CPNE4: variants seen among roughly 807,000 people sequenced by gnomAD.
CPNE4 encodes copine 4.
A neutral mutation model predicts 67.9 loss-of-function variants in CPNE4; 25 were observed. That is an observed-to-expected ratio of 0.37 (90% CI 0.27 to 0.51). The LOEUF (loss-of-function observed/expected upper bound fraction) is 0.51, where lower values mean the gene tolerates loss of function less well. Among genes scored for constraint, CPNE4 ranks in the 20% least tolerant of loss-of-function variants. The pLI, the probability that CPNE4 is intolerant of heterozygous loss-of-function variation, is 0.93. For missense variants in CPNE4, 464 were observed against 690.8 expected, an observed-to-expected ratio of 0.67 and a Z score of 3.68; for synonymous variants, 242 against 244.9, an observed-to-expected ratio of 0.99 and a Z score of 0.11.
intron 1 of CPNE4, among the ~76,000 whole-genome samples, chr3:131,977,970 T>C (rs1055909349): frequency 2.0e-5 from 3 of 146,434 alleles, no homozygotes; most frequent in African/African-American, 7.7e-5. Context: ...CTTAGAATAA[T>C]AGCCTTTAAT....
intron 6 of CPNE4, among the ~76,000 whole-genome samples, chr3:131,680,840 G>A (rs774432255): frequency 1.6e-4 from 24 of 151,898 alleles, no homozygotes; most frequent in South Asian, 1.0e-3. Context: ...TTTCCCCTGC[G>A]TCCCCACAGT....
chr3:132,022,623 T>A (rs1340998485), intron 1 of CPNE4, among the ~76,000 whole-genome samples: 11 of 152,192 alleles, frequency 7.2e-5, no homozygotes, highest in Admixed American at 7.2e-4. Flanking sequence ...CTGGCAGAGA[T>A]GCTTCACAGT....
At chr3:131,579,484 A>G (rs1029916375) in intron 9 of CPNE4, among the ~76,000 whole-genome samples, 2 of 152,224 alleles carry the variant, frequency 1.3e-5, no homozygotes, top group African/African-American at 4.8e-5. Context: ...AATACATTTC[A>G]TAAGGTTATA....
intron 2 of CPNE4, among the ~76,000 whole-genome samples, chr3:131,780,698 T>C (rs2083410525): frequency 2.0e-5 from 3 of 152,016 alleles, no homozygotes; most frequent in African/African-American, 7.2e-5. Flanking sequence ...AGATGAGGAT[T>C]GAAAACTACC....
intron 2 of CPNE4, among the ~76,000 whole-genome samples, chr3:131,893,045 TA>T (rs2088179459): frequency 6.6e-6 from 1 of 151,920 alleles, no homozygotes; most frequent in African/African-American, 2.4e-5. Context: ...CTGAATAGGT[TA>T]AAAGACAAAA....
intron 2 of CPNE4, among the ~76,000 whole-genome samples, chr3:131,855,648 G>A (rs934843847): frequency 2.0e-5 from 3 of 151,850 alleles, no homozygotes; most frequent in African/African-American, 7.2e-5. Context: ...CCTGGGCTCT[G>A]GAGTTTCTGT....
At chr3:131,788,325 C>A (rs1363412549) in intron 2 of CPNE4, among the ~76,000 whole-genome samples, 2 of 151,690 alleles carry the variant, frequency 1.3e-5, no homozygotes, top group East Asian at 1.9e-4. Context: ...AATAAAAATA[C>A]CCGAATGGAA....
At chr3:131,564,068 T>C (rs1255933921) in intron 11 of CPNE4, 148 bp downstream of exon 11, 4 of 890,552 alleles carry the variant, frequency 4.5e-6, no homozygotes, top group South Asian at 1.5e-5. Flanking sequence ...ACAAACTTAG[T>C]TTTTCTAGTA....
At position 131,895,224 on chromosome 3, in the gene CPNE4, G is replaced by A. The variant is rs181024647; in HGVS notation, c.180+10040C>T. Among the ~76,000 whole-genome samples, 730 of 152,070 alleles carry A rather than the reference G, an allele frequency of 4.8e-3. 8 individuals carry two copies. Among genetic ancestry groups the A allele is most frequent in the African/African-American group, 0.016 (647 of 41,514 alleles). The stretch of plus-strand genomic sequence containing the variant: ...CAGAGGCTGAGAAGGGGAGGAGAGA[G>A]GAGTGGATGAGATGTTGGTCAATGG... On this transcript the variant is annotated intron_variant, in intron 2 of 15. Transcript: ENST00000429747.
rs2083733813 is a variant in CPNE4 at position 131,791,899 on chromosome 3, C to T, written c.181-68274G>A. Among the ~76,000 whole-genome samples the T allele has an allele frequency of 1.3e-5, 2 of 152,158 alleles. 1 individual carries two copies. Among genetic ancestry groups the T allele is most frequent in the South Asian group, 4.1e-4 (2 of 4,834 alleles). ...CTTGGGGCCATGTTGGTGGAGGACTCATTTCATTATTAAGTCTGGCATTAA... is the reference window on the plus strand; with the variant it reads ...CTTGGGGCCATGTTGGTGGAGGACTTATTTCATTATTAAGTCTGGCATTAA... On this transcript the variant is annotated intron_variant, in intron 2 of 15. Coordinates refer to ENST00000429747, the MANE Select transcript of CPNE4 (RefSeq NM_130808.3).
At chr3:131,862,345 T>C (rs1321092585) in intron 2 of CPNE4, among the ~76,000 whole-genome samples, 1 of 152,180 alleles carries the variant, frequency 6.6e-6, no homozygotes, top group African/African-American at 2.4e-5. Flanking sequence ...CTAGATTTGA[T>C]AATTCTCCCA....
intron 2 of CPNE4, among the ~76,000 whole-genome samples, chr3:131,735,022 G>A (rs1184680253): frequency 2.0e-5 from 3 of 152,184 alleles, no homozygotes; most frequent in Non-Finnish European, 2.9e-5. Flanking sequence ...TTATTTCACA[G>A]CTTCTTGCAC....
At chr3:131,799,174 C>A (rs1196304902) in intron 2 of CPNE4, among the ~76,000 whole-genome samples, 2 of 152,050 alleles carry the variant, frequency 1.3e-5, no homozygotes, top group Admixed American at 6.6e-5. Context: ...CCATGAGAGA[C>A]CAGATATAAT....
At chr3:131,807,849 TG>T (rs2084376821) in intron 2 of CPNE4, among the ~76,000 whole-genome samples, 1 of 152,206 alleles carries the variant, frequency 6.6e-6, no homozygotes. Context: ...GCAAGAATAT[TG>T]CCCGTCTTAT....
chr3:131,872,716 T>TC (rs2087270999), intron 2 of CPNE4, among the ~76,000 whole-genome samples: 3 of 151,724 alleles, frequency 2.0e-5, no homozygotes, highest in Admixed American at 6.6e-5. Flanking sequence ...GTCTCTCTCT[T>TC]TATCTCTCGG....
In CPNE4 at chr3:131,801,446, GTGTGTGTATATATA is replaced by G. The variant is rs1230561761; in HGVS notation, c.181-77835_181-77822del. Among the ~76,000 whole-genome samples the G allele has an allele frequency of 4.2e-4, 36 of 85,212 alleles. 1 individual carries two copies. Among genetic ancestry groups the G allele is most frequent in the Non-Finnish European group, 7.5e-4 (32 of 42,500 alleles). The allele number at this position is 85,212 out of a possible 152,430, so 55.9% of individuals were successfully genotyped here. The stretch of plus-strand genomic sequence containing the variant: ...TGTGTGTGTGTGTGTGTGTGTGTGT[GTGTGTGTATATATA>G]TATATATATATATATATAATATCAC... On this transcript the variant is annotated intron_variant, in intron 2 of 15. Coordinates refer to ENST00000429747, the MANE Select transcript of CPNE4 (RefSeq NM_130808.3).
chr3:131,974,676 T>C (rs562141128), intron 1 of CPNE4, among the ~76,000 whole-genome samples: 2 of 152,286 alleles, frequency 1.3e-5, no homozygotes, highest in South Asian at 4.1e-4. Flanking sequence ...CTGCCCATTG[T>C]TTCTCTTGCC....
chr3:131,862,697 T>C (rs1434808127), intron 2 of CPNE4, among the ~76,000 whole-genome samples: 2 of 101,522 alleles, frequency 2.0e-5, no homozygotes, highest in Non-Finnish European at 4.4e-5. Flanking sequence ...TCTTTTAAGT[T>C]CTTATATATA....
At chr3:132,037,651 C>T (rs1217249936), upstream of CPNE4, 9 of 1,507,624 alleles carry the variant, frequency 6.0e-6, no homozygotes, top group African/African-American at 1.4e-5. Context: ...TCACTGTGGC[C>T]CTGGTGTTCC....
Sources: allele counts gnomAD v4.1 joint callset (sites outside exome capture counted in the v4.1 genomes callset), GRCh38; gene constraint gnomAD v4.1.1; transcripts MANE v1.5; gene names NCBI Gene and HGNC (gene_info 2026-07-23, HGNC 2026-07-21).